Variants in RBFOX3 observed in about 807,000 individuals in gnomAD.
RBFOX3 encodes the protein RNA binding fox-1 homolog 3, also known as RNA binding protein fox-1 homolog 3.
Under a neutral mutation model 48.7 loss-of-function variants are expected in RBFOX3, and 17 were observed. The observed-to-expected ratio is 0.35, with a 90% CI of 0.24 to 0.52. RBFOX3 has a LOEUF of 0.52. Among genes scored for constraint, RBFOX3 ranks in the 20% least tolerant of loss-of-function variants. The pLI, the probability that RBFOX3 is intolerant of heterozygous loss-of-function variation, is 0.94. For missense variants in RBFOX3, 382 were observed against 497.5 expected (o/e 0.77, Z 2.21); for synonymous variants, 212 against 209.5 (o/e 1.01, Z -0.10).
chr17:79,212,023 G>C lies in RBFOX3; in HGVS notation c.-34+23743C>G, dbSNP rs2058449136. ...CCAGGCCAAGCTCCCGAAAGCTCTGGTCTCCTGGGGTCTTGGAAGACAACC... is the reference window on the plus strand; with the variant it reads ...CCAGGCCAAGCTCCCGAAAGCTCTGCTCTCCTGGGGTCTTGGAAGACAACC... On this transcript the variant is annotated intron_variant, in intron 4 of 14. Coordinates refer to ENST00000693108, the MANE Select transcript of RBFOX3 (RefSeq NM_001350451.2). This position sits in a 1 kb window ranked among gnomAD's most constrained non-coding sequence, Gnocchi z 4.7. Among the ~76,000 whole-genome samples the C allele has an allele frequency of 6.6e-6, 1 of 152,170 alleles. No individual in the cohort carries two copies.
At position 79,361,322 on chromosome 17, in the gene RBFOX3, C is replaced by T. The variant is rs990097035; in HGVS notation, c.-174-53498G>A. Among the ~76,000 whole-genome samples, 5 of 152,176 alleles carry T rather than the reference C, an allele frequency of 3.3e-5. No homozygotes were observed. Among genetic ancestry groups the T allele is most frequent in the African/African-American group, 7.2e-5 (3 of 41,438 alleles). Reference sequence around the variant, plus strand: ...CATTTGCCATCGGGGCTATCTGAGACGCTCATCGAGGTGCTTACCCGCTAA... The same window carrying T: ...CATTTGCCATCGGGGCTATCTGAGATGCTCATCGAGGTGCTTACCCGCTAA... On this transcript the variant is annotated intron_variant, in intron 2 of 14. Transcript: ENST00000693108. The surrounding 1 kb of genome is among the most constrained non-coding windows in gnomAD (Gnocchi z 4.5).
the RBFOX3 span, among the ~76,000 whole-genome samples, chr17:79,616,311 G>A: frequency 4.6e-5 from 7 of 152,064 alleles, no homozygotes; most frequent in African/African-American, 7.2e-5. Flanking sequence ...CGAGGCAGGT[G>A]GACCACCTGA....
chr17:79,108,889 G>A (rs534926696), intron 5 of RBFOX3, among the ~76,000 whole-genome samples: 1 of 152,356 alleles, frequency 6.6e-6, no homozygotes, highest in East Asian at 1.9e-4. Flanking sequence ...CTGGGAGTGG[G>A]GTCTCAAGGG....
chr17:79,211,616 ACG>A (rs1352902470), intron 4 of RBFOX3, among the ~76,000 whole-genome samples: 1 of 152,042 alleles, frequency 6.6e-6, no homozygotes, highest in Non-Finnish European at 1.5e-5. Context: ...CCTCCTTCCC[ACG>A]CTCAGACTCC....
At position 79,563,147 on chromosome 17, in the gene RBFOX3, C is replaced by G. The variant is rs1034277778; in HGVS notation, c.-320+47679G>C. ...AAGCGGATCTCAGAAAACAAGCCAACAGGATCAATAGCCCACAAAAACCAC... is the reference window on the plus strand; with the variant it reads ...AAGCGGATCTCAGAAAACAAGCCAAGAGGATCAATAGCCCACAAAAACCAC... On this transcript the variant is annotated intron_variant, in intron 1 of 14. Coordinates refer to ENST00000693108, the MANE Select transcript of RBFOX3 (RefSeq NM_001350451.2). 5.9e-4 allele frequency among the ~76,000 whole-genome samples: 89 copies of G among 151,812 alleles called. 3 individuals carry two copies. The South Asian group carries it at 0.018, about 31-fold the overall frequency.
intron 4 of RBFOX3, among the ~76,000 whole-genome samples, chr17:79,223,660 A>G (rs2059983443): frequency 6.6e-6 from 1 of 152,178 alleles, no homozygotes; most frequent in African/African-American, 2.4e-5. Context: ...TCAGAACGCC[A>G]GCAGCTATGA....
intron 2 of RBFOX3, among the ~76,000 whole-genome samples, chr17:79,358,831 G>T (rs144632953): frequency 6.6e-6 from 1 of 152,116 alleles, no homozygotes; most frequent in African/African-American, 2.4e-5. Flanking sequence ...ATTCCATTTC[G>T]CCATCAGGAT....
Position 79,364,097 on chromosome 17 carries a change from G to A in RBFOX3, c.-174-56273C>T, listed in dbSNP as rs779617215. ...CCAGCCACCCACCCCATGGATTTTC[G>A]GGACAGCACGCACCACTCTGGGACC... On this transcript the variant is annotated intron_variant, in intron 2 of 14. Coordinates refer to ENST00000693108, the MANE Select transcript of RBFOX3 (RefSeq NM_001350451.2). This position sits in a 1 kb window ranked among gnomAD's most constrained non-coding sequence, Gnocchi z 5.1. Among the ~76,000 whole-genome samples the A allele has an allele frequency of 7.9e-5, 12 of 152,128 alleles. No individual in the cohort carries two copies. The highest frequency in any genetic ancestry group is 1.8e-4 in the Non-Finnish European group (12 of 68,026).
chr17:79,428,150 C>T (rs2067728075), intron 2 of RBFOX3, among the ~76,000 whole-genome samples: 1 of 152,274 alleles, frequency 6.6e-6, no homozygotes, highest in Admixed American at 6.5e-5. Context: ...CTCGTTCCCT[C>T]TCTCTCTGTC....
At chr17:79,130,007 G>A (rs766319474) in intron 4 of RBFOX3, among the ~76,000 whole-genome samples, 3 of 152,186 alleles carry the variant, frequency 2.0e-5, no homozygotes, top group Non-Finnish European at 4.4e-5. Flanking sequence ...GCCCTGCGGG[G>A]ACCGGGAGGA....
rs191355258 is a variant in RBFOX3, at chr17:79,392,780, G to A, written c.-174-84956C>T. Among the ~76,000 whole-genome samples the A allele has an allele frequency of 7.9e-5, 12 of 152,284 alleles. No homozygotes were observed. In the East Asian group the frequency reaches 1.4e-3, roughly 17 times the overall value. On this transcript the variant is annotated intron_variant, in intron 2 of 14. Transcript: ENST00000693108. This position sits in a 1 kb window ranked among gnomAD's most constrained non-coding sequence, Gnocchi z 5.0. ...ATGCATATGAGCCAGAAATCAACCC[G>A]CAATTGCTACAGATCTCTGATGTGG...
intron 1 of RBFOX3, among the ~76,000 whole-genome samples, chr17:79,581,259 A>C (rs1182073134): frequency 6.6e-6 from 1 of 151,938 alleles, no homozygotes; most frequent in African/African-American, 2.4e-5. Flanking sequence ...AAACAAAACA[A>C]AACAAACAAA....
the RBFOX3 span, among the ~76,000 whole-genome samples, chr17:79,659,947 G>C: frequency 6.6e-6 from 1 of 152,146 alleles, no homozygotes; most frequent in African/African-American, 2.4e-5. Flanking sequence ...AGCACTTTGG[G>C]AGGCTGAGGC....
intron 2 of RBFOX3, among the ~76,000 whole-genome samples, chr17:79,476,077 G>T (rs2077701859): frequency 6.6e-6 from 1 of 152,216 alleles, no homozygotes; most frequent in Non-Finnish European, 1.5e-5. Context: ...TGCTCTGGGG[G>T]CCACTGACAC....
At chr17:79,310,153 A>G (rs762674594) in intron 2 of RBFOX3, among the ~76,000 whole-genome samples, 20 of 152,084 alleles carry the variant, frequency 1.3e-4, no homozygotes, top group African/African-American at 3.1e-4. Context: ...TCCAACTCCT[A>G]TTTGCATTCC....
At chr17:79,492,068 T>G (rs1014427092) in intron 1 of RBFOX3, among the ~76,000 whole-genome samples, 192 of 152,230 alleles carry the variant, frequency 1.3e-3, no homozygotes, top group African/African-American at 4.4e-3. Flanking sequence ...AGAGCAAGAC[T>G]CTGTCTCAAA....
At chr17:79,126,117 C>A (rs943453846) in intron 4 of RBFOX3, among the ~76,000 whole-genome samples, 6 of 152,256 alleles carry the variant, frequency 3.9e-5, no homozygotes, top group Non-Finnish European at 7.3e-5. Context: ...CCCTCACCCC[C>A]TCCCCACGAT....
chr17:79,201,675 T>A (rs1457998313), intron 4 of RBFOX3, among the ~76,000 whole-genome samples: 2 of 152,200 alleles, frequency 1.3e-5, no homozygotes, highest in African/African-American at 4.8e-5. Context: ...TCTGCAATCA[T>A]AACACTCTTG....
At chr17:79,588,768 G>T (rs957948766) in intron 1 of RBFOX3, among the ~76,000 whole-genome samples, 9 of 142,256 alleles carry the variant, frequency 6.3e-5, no homozygotes, top group African/African-American at 2.4e-4. Context: ...GCGAGATCCC[G>T]TCCTGAGCTT....
Sources: allele counts gnomAD v4.1 joint callset (sites outside exome capture counted in the v4.1 genomes callset), GRCh38; gene constraint gnomAD v4.1.1; non-coding constraint Gnocchi (gnomAD v3.1); transcripts MANE v1.5; gene names NCBI Gene and HGNC (gene_info 2026-07-23, HGNC 2026-07-21).